FAM186A: variants seen among roughly 807,000 people sequenced by gnomAD.
FAM186A encodes family with sequence similarity 186 member A, also known as protein FAM186A.
FAM186A carries 163 observed loss-of-function variants against 216.8 expected under a neutral mutation model. That is an observed-to-expected ratio of 0.75 (90% confidence interval 0.66 to 0.86). The LOEUF (loss-of-function observed/expected upper bound fraction) is 0.86. Among genes scored for constraint, FAM186A ranks in the 40% least tolerant of loss-of-function variants. The pLI, the probability that FAM186A is intolerant of heterozygous loss-of-function variation, is 0.00. For synonymous variants in FAM186A, 805 were observed against 1,025.3 expected (o/e 0.79, Z 4.10); for missense variants, 2,184 against 2,746.2 (o/e 0.80, Z 4.58).
intron 1 of FAM186A, among the ~76,000 whole-genome samples, chr12:50,384,441 A>C (rs1198645669): frequency 6.6e-6 from 1 of 152,118 alleles, no homozygotes; most frequent in Non-Finnish European, 1.5e-5. Flanking sequence ...AAAATAAATA[A>C]ATAAACTAAA....
intron 4 of FAM186A, among the ~76,000 whole-genome samples, chr12:50,335,027 T>G (rs1344632641): frequency 1.3e-5 from 2 of 151,310 alleles, no homozygotes; most frequent in African/African-American, 4.9e-5. Flanking sequence ...TTTGGGAGGC[T>G]GAGGTGGGAG....
chr12:50,335,116 G>T (rs182705935), intron 4 of FAM186A, among the ~76,000 whole-genome samples: 3 of 152,110 alleles, frequency 2.0e-5, no homozygotes, highest in Middle Eastern at 3.4e-3. Context: ...AAATAGCTGG[G>T]CATGGTGGCA....
At chr12:50,393,547 A>G (rs1943384374) in intron 1 of FAM186A, among the ~76,000 whole-genome samples, 1 of 151,488 alleles carries the variant, frequency 6.6e-6, no homozygotes, top group Non-Finnish European at 1.5e-5. Context: ...ATCTCAAAAA[A>G]AAAAAAAGTG....
chr12:50,370,198 G>A (rs1053237217), intron 1 of FAM186A, among the ~76,000 whole-genome samples: 1 of 149,458 alleles, frequency 6.7e-6, no homozygotes, highest in African/African-American at 2.5e-5. Context: ...CAGCTACTTG[G>A]GTGGCTGAGG....
chr12:50,351,996 C>G lies in FAM186A; in HGVS notation c.4836G>C (p.Gly1612=), dbSNP rs766535208. 20 of 448,326 alleles carry G rather than the reference C, an allele frequency of 4.5e-5. No homozygotes were observed. In the African/African-American group the frequency reaches 7.5e-4, roughly 17 times the overall value. The allele number at this position is 448,326 out of a possible 1,614,324, so 27.8% of individuals were successfully genotyped here. The change falls in exon 4 of 8, where the codon GGG becomes GGC. Residue 1612 remains glycine (G), a synonymous_variant. Transcript: ENST00000327337. ...PLTPQQAQAQ[G]IPLTPQQAQA... is the part of the protein sequence containing the mutation. Reference sequence around the variant, plus strand: ...GGGCCTGCTGAGGGGTGAGAGGGATCCCCTGAGCCTGCGCCTGCTGAGGGG... The same window carrying G: ...GGGCCTGCTGAGGGGTGAGAGGGATGCCCTGAGCCTGCGCCTGCTGAGGGG...
chr12:50,355,671 A>G lies in FAM186A; in HGVS notation c.1161T>C (p.Asp387=). The G allele has an allele frequency of 6.4e-7, 1 of 1,550,852 alleles. No individual in the cohort carries two copies. Residue 387 remains aspartate (D), a synonymous_variant, in exon 4 of 8, where the codon GAT becomes GAC. Transcript: ENST00000327337. ...ILDKELENIV[D]EVQRKETKDS... is the part of the protein sequence containing the mutation. ...CCTTGGTCTCTTTTCTTTGGACTTC[A>G]TCTACAATATTTTCAAGTTCCTTGT...
Position 50,351,729 on chromosome 12 carries a change from C to T in FAM186A, c.5103G>A (p.Ser1701=), listed in dbSNP as rs952034210. ...ACTGGACTTGCTTAAGGGTGAGGGG[C>T]GATCCCAAGGTATGGGCTTTATCTA... is the stretch of plus-strand genomic sequence containing the variant. The part of the protein sequence containing the change: ...LTLDKAHTLG[S]PLTLKQVQWS... The change falls in exon 4 of 8, where the codon TCG becomes TCA. Residue 1701 remains serine (S), a synonymous_variant. Coordinates refer to ENST00000327337, the MANE Select transcript of FAM186A (RefSeq NM_001145475.3). 5.2e-6 allele frequency: 8 copies of T among 1,551,426 alleles called. No individual in the cohort carries two copies. The highest frequency in any genetic ancestry group is 3.5e-6 in the Non-Finnish European group (4 of 1,146,834).
intron 1 of FAM186A, among the ~76,000 whole-genome samples, chr12:50,365,158 CA>C (rs960931724): frequency 1.3e-5 from 2 of 151,714 alleles, no homozygotes; most frequent in African/African-American, 2.4e-5. Context: ...AAAATTTCTC[CA>C]AGAAAATTTC....
In FAM186A at chr12:50,356,047, G is replaced by C. The variant is rs765452058; in HGVS notation, c.785C>G (p.Ser262Ter). ...TLENNAIKYISSTIVNLSTAL... is the reference protein window; with the variant it reads ...TLENNAIKYI Reference sequence around the variant, plus strand: ...TGTAGAAAGGTTTACTATTGTTGATGATATATATTTAATAGCATTGTTTTC... The same window carrying C: ...TGTAGAAAGGTTTACTATTGTTGATCATATATATTTAATAGCATTGTTTTC... The change falls in exon 4 of 8, where the codon TCA (serine) becomes TGA (stop). Residue 262 changes from serine to a stop codon, truncating the protein, a stop_gained. Transcript: ENST00000327337. LOFTEE classifies it high-confidence loss of function. The C allele has an allele frequency of 1.3e-6, 2 of 1,551,412 alleles. No homozygotes were observed. Among genetic ancestry groups the C allele is most frequent in the African/African-American group, 2.7e-5 (2 of 73,036 alleles).
At position 50,351,924 on chromosome 12, in the gene FAM186A, C is replaced by T. The variant is rs1171382596; in HGVS notation, c.4908G>A (p.Gly1636=). 2 of 1,535,452 alleles carry T rather than the reference C, an allele frequency of 1.3e-6. No homozygotes were observed. Among genetic ancestry groups the T allele is most frequent in the South Asian group, 1.2e-5 (1 of 82,562 alleles). ...GGGCCTGCTGAGGGGTGAGAGTGATCCCCTGAGCCTGCGCCTGCTGAGGGG... is the reference window on the plus strand; with the variant it reads ...GGGCCTGCTGAGGGGTGAGAGTGATTCCCTGAGCCTGCGCCTGCTGAGGGG... The part of the protein sequence containing the change: ...SLTPQQAQAQ[G]ITLTPQQAQA... The change falls in exon 4 of 8, where the codon GGG becomes GGA. Residue 1636 remains glycine (G), a synonymous_variant. Transcript: ENST00000327337.
At position 50,365,932 on chromosome 12, in the gene FAM186A, C is replaced by G. The variant is rs1055577734; in HGVS notation, c.193-2568G>C. 44 of 763,196 alleles carry G rather than the reference C, an allele frequency of 5.8e-5. 1 individual carries two copies. Among genetic ancestry groups the G allele is most frequent in the Non-Finnish European group, 8.4e-5 (35 of 415,078 alleles). The allele number at this position is 763,196 out of a possible 1,614,324, so 47.3% of individuals were successfully genotyped here. On this transcript the variant is annotated intron_variant, in intron 1 of 7. Transcript: ENST00000327337. ...CAGTGGAAAAAGGCTAATGGCACAA[C>G]TGTCCATGTGGGCCCTCGCCCCAGC...
intron 1 of FAM186A, among the ~76,000 whole-genome samples, chr12:50,373,972 TA>T (rs1943173255): frequency 6.6e-6 from 1 of 151,796 alleles, no homozygotes. Flanking sequence ...TATGCAGCCA[TA>T]AAAAATGATG....
At chr12:50,391,739 GGGATTA>G (rs1943359264) in intron 1 of FAM186A, among the ~76,000 whole-genome samples, 1 of 152,184 alleles carries the variant, frequency 6.6e-6, no homozygotes, top group African/African-American at 2.4e-5. Context: ...CCAAGTAGCT[GGGATTA>G]CAGGCATGGG....
At chr12:50,386,447 A>G (rs1373713014) in intron 1 of FAM186A, among the ~76,000 whole-genome samples, 1 of 151,974 alleles carries the variant, frequency 6.6e-6, no homozygotes, top group Non-Finnish European at 1.5e-5. Context: ...AAAGAAACAA[A>G]CAAAAAAGAT....
At chr12:50,337,995 T>C (rs1159996784) in intron 4 of FAM186A, among the ~76,000 whole-genome samples, 2 of 152,174 alleles carry the variant, frequency 1.3e-5, no homozygotes, top group African/African-American at 2.4e-5. Context: ...TCTAGAATCA[T>C]GGCTATTCAT....
intron 3 of FAM186A, among the ~76,000 whole-genome samples, chr12:50,359,423 GTGT>G (rs1340769772): frequency 6.6e-6 from 1 of 152,130 alleles, no homozygotes; most frequent in Non-Finnish European, 1.5e-5. Context: ...ACAATAACAA[GTGT>G]TGTTGAGGAA....
At chr12:50,374,057 A>T (rs2136102444) in intron 1 of FAM186A, among the ~76,000 whole-genome samples, 1 of 151,064 alleles carries the variant, frequency 6.6e-6, no homozygotes, top group East Asian at 2.0e-4. Flanking sequence ...AAGAACAAAA[A>T]ACCAAACACC....
chr12:50,372,753 T>A, intron 1 of FAM186A, among the ~76,000 whole-genome samples: 1 of 150,346 alleles, frequency 6.7e-6, no homozygotes, highest in Non-Finnish European at 1.5e-5. Flanking sequence ...ATACAAAAAA[T>A]TAGCTGGGCA....
intron 2 of FAM186A, among the ~76,000 whole-genome samples, chr12:50,361,426 T>G (rs1436473532): frequency 1.3e-5 from 2 of 151,956 alleles, no homozygotes; most frequent in African/African-American, 4.8e-5. Context: ...CTTGAACTCC[T>G]GACCTCAGGT....
Sources: allele counts gnomAD v4.1 joint callset (sites outside exome capture counted in the v4.1 genomes callset), GRCh38; gene constraint gnomAD v4.1.1; transcripts MANE v1.5; gene names NCBI Gene and HGNC (gene_info 2026-07-23, HGNC 2026-07-21).